CNTN5: variants seen among roughly 807,000 people sequenced by gnomAD.
The protein encoded by CNTN5 is contactin 5.
Under a neutral mutation model 129.1 loss-of-function variants are expected in CNTN5, and 77 were observed. That is an observed-to-expected ratio of 0.60 (90% CI 0.50 to 0.72). The LOEUF is 0.72. Ranked by LOEUF, CNTN5 falls within the 30% of genes least tolerant of loss-of-function variation. The probability of loss-of-function intolerance (pLI) is 0.00; values close to 1 mark genes in which losing one functional copy is unlikely to be tolerated. For synonymous variants in CNTN5, 509 were observed against 465.6 expected (o/e 1.09, Z -1.20); for missense variants, 1,478 against 1,328.8 (o/e 1.11, Z -1.75).
At chr11:100,262,683 C>T (rs1473430692) in intron 17 of CNTN5, among the ~76,000 whole-genome samples, 4 of 152,096 alleles carry the variant, frequency 2.6e-5, no homozygotes, top group African/African-American at 9.7e-5. Context: ...AGCAAACTAA[C>T]ACAGGAACAG....
chr11:99,569,940 A>G (rs983271715), intron 3 of CNTN5, among the ~76,000 whole-genome samples: 2 of 152,094 alleles, frequency 1.3e-5, no homozygotes, highest in African/African-American at 4.8e-5. Flanking sequence ...ATCTTAGCTT[A>G]GTTCAGGGGA....
intron 7 of CNTN5, among the ~76,000 whole-genome samples, chr11:99,924,243 G>A (rs1015924951): frequency 2.6e-5 from 4 of 152,250 alleles, no homozygotes; most frequent in African/African-American, 9.6e-5. Flanking sequence ...TTTGAGAAGT[G>A]TCTGTTCATA....
At chr11:99,531,263 C>A (rs10893463) in intron 2 of CNTN5, among the ~76,000 whole-genome samples, 19 of 151,918 alleles carry the variant, frequency 1.3e-4, no homozygotes, top group Admixed American at 3.3e-4. Flanking sequence ...TAGAGATTTG[C>A]GGAACTTTGA....
intron 3 of CNTN5, among the ~76,000 whole-genome samples, chr11:99,629,701 T>C (rs1244046956): frequency 6.6e-6 from 1 of 151,914 alleles, no homozygotes; most frequent in Non-Finnish European, 1.5e-5. Flanking sequence ...TATGTAAATA[T>C]TCTGATGACA....
chr11:99,838,742 C>G (rs539301180), intron 4 of CNTN5, among the ~76,000 whole-genome samples: 3 of 152,146 alleles, frequency 2.0e-5, no homozygotes, highest in African/African-American at 7.2e-5. Flanking sequence ...CTTACCATGT[C>G]GGCCTCTCCA....
chr11:99,491,774 G>A (rs1946045966), intron 2 of CNTN5, among the ~76,000 whole-genome samples: 1 of 152,150 alleles, frequency 6.6e-6, no homozygotes, highest in Admixed American at 6.6e-5. Context: ...ATGTGCCTAT[G>A]ATCATAGCTG....
chr11:99,288,250 A>C (rs1864024139), intron 1 of CNTN5, among the ~76,000 whole-genome samples: 1 of 152,014 alleles, frequency 6.6e-6, no homozygotes, highest in East Asian at 1.9e-4. Context: ...TATTATCATT[A>C]AAGCATATCT....
At chr11:99,045,814 C>T (rs1348142774) in intron 1 of CNTN5, among the ~76,000 whole-genome samples, 8 of 152,086 alleles carry the variant, frequency 5.3e-5, no homozygotes, top group Non-Finnish European at 1.2e-4. Flanking sequence ...GCAAATAACC[C>T]ATTGAAAACC....
intron 1 of CNTN5, among the ~76,000 whole-genome samples, chr11:99,183,493 A>G (rs909129345): frequency 2.0e-5 from 3 of 151,990 alleles, no homozygotes; most frequent in African/African-American, 4.8e-5. Flanking sequence ...ACCATTAATC[A>G]TCCACTCCTC....
chr11:99,715,424 A>G (rs907587513), intron 3 of CNTN5, among the ~76,000 whole-genome samples: 1 of 151,418 alleles, frequency 6.6e-6, no homozygotes, highest in African/African-American at 2.4e-5. Flanking sequence ...CCACCAAGAG[A>G]GCAGAATAGT....
intron 13 of CNTN5, among the ~76,000 whole-genome samples, chr11:100,089,225 G>A (rs1944663713): frequency 6.6e-6 from 1 of 151,848 alleles, no homozygotes; most frequent in Non-Finnish European, 1.5e-5. Context: ...TGTAGATTCT[G>A]GATGTTAGAC....
At chr11:100,167,173 T>C (rs1591345483) in intron 13 of CNTN5, among the ~76,000 whole-genome samples, 1 of 151,742 alleles carries the variant, frequency 6.6e-6, no homozygotes, top group East Asian at 1.9e-4. Flanking sequence ...ACACTGAGTT[T>C]AATATTCATC....
intron 8 of CNTN5, among the ~76,000 whole-genome samples, chr11:99,975,799 A>G (rs1383437855): frequency 6.6e-6 from 1 of 152,092 alleles, no homozygotes; most frequent in East Asian, 1.9e-4. Flanking sequence ...GAGCCAAACC[A>G]TATCATTCTA....
chr11:99,394,513 T>TG (rs1941420233), intron 2 of CNTN5, among the ~76,000 whole-genome samples: 1 of 150,988 alleles, frequency 6.6e-6, no homozygotes, highest in Non-Finnish European at 1.5e-5. Flanking sequence ...TATATAATTT[T>TG]CTTTTTTTAA....
At chr11:100,196,344 A>G (rs946893967) in intron 15 of CNTN5, among the ~76,000 whole-genome samples, 13 of 151,888 alleles carry the variant, frequency 8.6e-5, no homozygotes, top group Non-Finnish European at 1.8e-4. Context: ...ATTATTTTGT[A>G]GATGCCAAAA....
intron 23 of CNTN5, among the ~76,000 whole-genome samples, chr11:100,345,813 C>G (rs1952266814): frequency 6.6e-6 from 1 of 151,920 alleles, no homozygotes; most frequent in South Asian, 2.1e-4. Context: ...TTTAAGAAAT[C>G]CAGATTTAAT....
chr11:99,627,685 C>G (rs1951180009), intron 3 of CNTN5, among the ~76,000 whole-genome samples: 1 of 151,952 alleles, frequency 6.6e-6, no homozygotes, highest in African/African-American at 2.4e-5. Flanking sequence ...TTACCAAGCA[C>G]TGCCCTAAAA....
At chr11:99,669,007 T>C (rs563842736) in intron 3 of CNTN5, among the ~76,000 whole-genome samples, 52 of 152,296 alleles carry the variant, frequency 3.4e-4, no homozygotes, top group Non-Finnish European at 6.6e-4. Flanking sequence ...TTTTGAAATA[T>C]GTATTTTCTA....
In CNTN5 at chr11:100,255,805, A is replaced by C; in HGVS notation, c.2051A>C (p.Glu684Ala). The C allele has an allele frequency of 6.2e-7, 1 of 1,613,924 alleles. No individual in the cohort carries two copies. Among genetic ancestry groups the C allele is most frequent in the Non-Finnish European group, 8.5e-7 (1 of 1,179,840 alleles). The change falls in exon 17 of 25, where the codon GAA (glutamate) becomes GCA (alanine). Residue 684 changes from glutamate (E) to alanine (A), a missense_variant. Physicochemically the swap from Glu to Ala is moderately radical, Grantham distance 107 (BLOSUM62 -1). Transcript: ENST00000524871. The stretch of plus-strand genomic sequence containing the variant: ...ATAGTAATTGTTGAGGAAATAACCG[A>C]AAGTACGGCCACACTGTCCTGGAGC... ...PGIVIVEEITESTATLSWSPA... is the reference protein window; with the variant it reads ...PGIVIVEEITASTATLSWSPA...
Sources: gnomAD v4.1 joint callset for allele counts (sites outside exome capture counted in the v4.1 genomes callset) on GRCh38, gnomAD v4.1.1 for gene constraint, MANE v1.5 for transcripts, NCBI Gene and HGNC (gene_info 2026-07-23, HGNC 2026-07-21) for gene names.